GABRB2: variants seen among roughly 807,000 people sequenced by gnomAD.
GABRB2 encodes the protein gamma-aminobutyric acid receptor subunit beta-2.
A neutral mutation model predicts 54.7 loss-of-function variants in GABRB2; 16 were observed. The ratio of observed to expected loss-of-function variants is 0.29; its 90% CI spans 0.20 to 0.44. The LOEUF is 0.44. Ranked by LOEUF, GABRB2 falls within the 20% of genes least tolerant of loss-of-function variation. The pLI is 1.00. For synonymous variants in GABRB2, 244 were observed against 233.8 expected (o/e 1.04, Z -0.40); for missense variants, 355 against 644.0 (o/e 0.55, Z 4.86).
chr5:161,474,868 T>A (rs558001504), intron 3 of GABRB2, among the ~76,000 whole-genome samples: 2 of 151,972 alleles, frequency 1.3e-5, no homozygotes, highest in East Asian at 3.9e-4. Context: ...CGATCAGGAG[T>A]TAATTTTATA....
Position 161,316,357 on chromosome 5 carries a change from G to GA in GABRB2, c.1191+10010dup, listed in dbSNP as rs376928454. ...ACTGCTATAGGTACATCCAAGATTG[G>GA]AAAAAAAAAATATTAGAGGTGACTT... On this transcript the variant is annotated intron_variant, in intron 9 of 9. Coordinates refer to ENST00000393959, the MANE Select transcript of GABRB2 (RefSeq NM_001371727.1). Among the ~76,000 whole-genome samples, 273 of 149,532 alleles carry GA rather than the reference G, an allele frequency of 1.8e-3. 1 individual carries two copies. The highest frequency in any genetic ancestry group is 6.9e-3 in the Middle Eastern group (2 of 290).
intron 5 of GABRB2, among the ~76,000 whole-genome samples, chr5:161,409,504 A>G (rs926172200): frequency 3.3e-5 from 5 of 152,096 alleles, no homozygotes; most frequent in African/African-American, 1.2e-4. Context: ...GGAAGGCTCA[A>G]ATGAAATAAT....
chr5:161,531,212 A>T (rs1760450291), intron 3 of GABRB2, among the ~76,000 whole-genome samples: 1 of 152,144 alleles, frequency 6.6e-6, no homozygotes, highest in South Asian at 2.1e-4. Context: ...CTCTTTTAAC[A>T]TCTCTGCTTC....
chr5:161,331,322 C>T (rs534533348), intron 7 of GABRB2, among the ~76,000 whole-genome samples, 195 bp from the exon 8 acceptor site: 20 of 152,198 alleles, frequency 1.3e-4, no homozygotes, highest in Admixed American at 1.2e-3. Context: ...GATCACTGAA[C>T]GTTTGATCCC....
At chr5:161,477,682 T>A (rs1402271113) in intron 3 of GABRB2, among the ~76,000 whole-genome samples, 1 of 151,950 alleles carries the variant, frequency 6.6e-6, no homozygotes, top group East Asian at 1.9e-4. Context: ...TTGACAACAT[T>A]ATGCTAAGTG....
At chr5:161,516,620 G>T (rs1420605491) in intron 3 of GABRB2, among the ~76,000 whole-genome samples, 1 of 152,022 alleles carries the variant, frequency 6.6e-6, no homozygotes, top group African/African-American at 2.4e-5. Context: ...CTATATATTT[G>T]CTGTAGGGTT....
chr5:161,469,672 CACACAT>C (rs59675873), intron 3 of GABRB2, among the ~76,000 whole-genome samples: 10,397 of 141,140 alleles, frequency 0.074, 535 homozygotes, highest in African/African-American at 0.15. Context: ...AAACATTATT[CACACAT>C]ACACATACAC....
At chr5:161,434,794 C>T (rs527488417) in intron 4 of GABRB2, among the ~76,000 whole-genome samples, 1 of 152,286 alleles carries the variant, frequency 6.6e-6, no homozygotes, top group African/African-American at 2.4e-5. Flanking sequence ...ATCCTGGAGG[C>T]AAATAAGCTA....
At chr5:161,536,610 A>G (rs958302774) in intron 3 of GABRB2, among the ~76,000 whole-genome samples, 2 of 152,126 alleles carry the variant, frequency 1.3e-5, no homozygotes, top group East Asian at 1.9e-4. Flanking sequence ...TTTCTCCACC[A>G]AACTATATAT....
intron 3 of GABRB2, among the ~76,000 whole-genome samples, chr5:161,512,418 C>T: frequency 6.6e-6 from 1 of 151,802 alleles, no homozygotes; most frequent in East Asian, 1.9e-4. Context: ...AAGTTACACG[C>T]ATACAGCCAT....
At chr5:161,513,836 C>T (rs1326594221) in intron 3 of GABRB2, among the ~76,000 whole-genome samples, 1 of 152,008 alleles carries the variant, frequency 6.6e-6, no homozygotes, top group African/African-American at 2.4e-5. Context: ...AAATTTCCTT[C>T]CCAAAAAACT....
chr5:161,462,282 G>C (rs142933880), intron 3 of GABRB2, among the ~76,000 whole-genome samples: 1 of 152,250 alleles, frequency 6.6e-6, no homozygotes, highest in East Asian at 1.9e-4. Flanking sequence ...ATCTCTAGAG[G>C]AGCATGTTAA....
intron 3 of GABRB2, among the ~76,000 whole-genome samples, chr5:161,462,497 A>G (rs1022429739): frequency 2.0e-5 from 3 of 152,164 alleles, no homozygotes; most frequent in Non-Finnish European, 2.9e-5. Flanking sequence ...TATTATCTCT[A>G]CAAGAGGAGA....
intron 4 of GABRB2, among the ~76,000 whole-genome samples, chr5:161,418,336 A>G (rs576739835): frequency 8.4e-4 from 128 of 152,268 alleles, no homozygotes; most frequent in Non-Finnish European, 1.5e-3. Context: ...GGTCTCATCT[A>G]TAGGTACTTT....
At chr5:161,305,256 T>C (rs2113352813) in intron 9 of GABRB2, among the ~76,000 whole-genome samples, 1 of 151,950 alleles carries the variant, frequency 6.6e-6, no homozygotes, top group African/African-American at 2.4e-5. Context: ...GACCTCATGA[T>C]CCACCCACCT....
chr5:161,461,292 A>G (rs1346667976), intron 3 of GABRB2, among the ~76,000 whole-genome samples: 2 of 152,146 alleles, frequency 1.3e-5, no homozygotes, highest in African/African-American at 4.8e-5. Flanking sequence ...TTATCATGAG[A>G]ATTTTAATCC....
At position 161,473,199 on chromosome 5, in the gene GABRB2, A is replaced by G. The variant is rs1033980635; in HGVS notation, c.238-13355T>C. ...GGATTTTCCAAATTCTCTATTAAAC[A>G]TTTTGCCTTGATAAAGCAATGATAG... On this transcript the variant is annotated intron_variant, in intron 3 of 9. Transcript: ENST00000393959. Among the ~76,000 whole-genome samples the G allele has an allele frequency of 1.3e-5, 2 of 152,146 alleles. 1 individual carries two copies. Among genetic ancestry groups the G allele is most frequent in the South Asian group, 4.1e-4 (2 of 4,826 alleles).
chr5:161,514,162 A>C (rs1422927283), intron 3 of GABRB2, among the ~76,000 whole-genome samples: 1 of 152,090 alleles, frequency 6.6e-6, no homozygotes, highest in Non-Finnish European at 1.5e-5. Context: ...CTTTTGCTTA[A>C]ATGGTTACAA....
chr5:161,459,546 G>C, intron 4 of GABRB2, 78 bp downstream of exon 4: 1 of 1,185,836 alleles, frequency 8.4e-7, no homozygotes, highest in Non-Finnish European at 1.2e-6. Flanking sequence ...AAGGAAAATA[G>C]CACAATATTT....
Sources: allele counts gnomAD v4.1 joint callset (sites outside exome capture counted in the v4.1 genomes callset), GRCh38; gene constraint gnomAD v4.1.1; transcripts MANE v1.5; gene names NCBI Gene and HGNC (gene_info 2026-07-23, HGNC 2026-07-21).